LINGO2: variants seen among roughly 807,000 people sequenced by gnomAD.
The protein encoded by LINGO2 is leucine rich repeat and Ig domain containing 2.
A neutral mutation model predicts 30.6 loss-of-function variants in LINGO2; 14 were observed. That is an observed-to-expected ratio of 0.46 (90% CI 0.30 to 0.72). The LOEUF (loss-of-function observed/expected upper bound fraction) is 0.72, where lower values mean the gene tolerates loss of function less well. LINGO2 is among the 30% of genes least tolerant of loss of function. LINGO2 has a pLI of 0.07. For missense variants in LINGO2, 729 were observed against 751.7 expected, an observed-to-expected ratio of 0.97 and a Z score of 0.35; for synonymous variants, 317 against 288.5, an observed-to-expected ratio of 1.10 and a Z score of -1.00.
At chr9:29,129,555 A>G in the LINGO2 span, among the ~76,000 whole-genome samples, 1 of 152,104 alleles carries the variant, frequency 6.6e-6, no homozygotes, top group Non-Finnish European at 1.5e-5. Flanking sequence ...TTAGGGCTTC[A>G]GTAAAATTTA....
At chr9:28,048,022 TTAGACATTA>T (rs1026325630) in intron 4 of LINGO2, among the ~76,000 whole-genome samples, 1 of 150,138 alleles carries the variant, frequency 6.7e-6, no homozygotes, top group African/African-American at 2.5e-5. Context: ...TCTAATCACA[TTAGACATTA>T]AACTTACAAA....
chr9:29,170,906 T>C, the LINGO2 span, among the ~76,000 whole-genome samples: 1 of 152,222 alleles, frequency 6.6e-6, no homozygotes, highest in South Asian at 2.1e-4. Flanking sequence ...GCTGGTTTGA[T>C]GCAGATAAAC....
At chr9:28,293,353 C>T (rs1318839658) in intron 4 of LINGO2, among the ~76,000 whole-genome samples, 1 of 152,106 alleles carries the variant, frequency 6.6e-6, no homozygotes, top group Non-Finnish European at 1.5e-5. Flanking sequence ...TCACCTTGAC[C>T]TCCCAAAGCA....
At chr9:28,566,472 T>G (rs976491348) in intron 1 of LINGO2, among the ~76,000 whole-genome samples, 1 of 152,148 alleles carries the variant, frequency 6.6e-6, no homozygotes, top group Non-Finnish European at 1.5e-5. Flanking sequence ...GCTTTTCAAC[T>G]GCTAAATAGG....
the LINGO2 span, among the ~76,000 whole-genome samples, chr9:29,018,105 A>G: frequency 6.8e-6 from 1 of 147,662 alleles, no homozygotes. Context: ...ATATATATAT[A>G]TATATATAGT....
At chr9:28,540,415 C>G (rs1051544191) in intron 1 of LINGO2, among the ~76,000 whole-genome samples, 22 of 151,954 alleles carry the variant, frequency 1.4e-4, no homozygotes, top group African/African-American at 5.3e-4. Flanking sequence ...AAGGTGCCAC[C>G]ACGTCCGACT....
chr9:28,702,432 T>A, the LINGO2 span, among the ~76,000 whole-genome samples: 1 of 151,808 alleles, frequency 6.6e-6, no homozygotes, highest in Admixed American at 6.6e-5. Flanking sequence ...CATTAATAGA[T>A]TTTTCAAATC....
chr9:27,989,914 A>G (rs980537762), intron 5 of LINGO2, among the ~76,000 whole-genome samples: 2 of 152,042 alleles, frequency 1.3e-5, no homozygotes, highest in African/African-American at 4.8e-5. Context: ...GTTCTTAACA[A>G]TAGTTGGACT....
chr9:29,032,690 T>C, the LINGO2 span, among the ~76,000 whole-genome samples: 1 of 152,216 alleles, frequency 6.6e-6, no homozygotes, highest in East Asian at 1.9e-4. Context: ...CCAAAGCCTG[T>C]AGACCAAAAA....
chr9:28,154,762 A>C (rs1828088541), intron 4 of LINGO2, among the ~76,000 whole-genome samples: 1 of 152,224 alleles, frequency 6.6e-6, no homozygotes, highest in African/African-American at 2.4e-5. Flanking sequence ...ATATCATCCT[A>C]GTAATGCCCT....
intron 4 of LINGO2, among the ~76,000 whole-genome samples, chr9:28,086,759 G>A (rs1441085375): frequency 6.6e-6 from 1 of 151,956 alleles, no homozygotes. Context: ...ACAAACTTAT[G>A]AGACTTTAAC....
intron 4 of LINGO2, among the ~76,000 whole-genome samples, chr9:28,156,994 G>A (rs900378649): frequency 5.9e-5 from 9 of 152,180 alleles, no homozygotes; most frequent in African/African-American, 2.2e-4. Context: ...GGCTTTTCCA[G>A]GTGCGTGGTG....
chr9:29,173,983 A>G, the LINGO2 span, among the ~76,000 whole-genome samples: 1 of 152,108 alleles, frequency 6.6e-6, no homozygotes, highest in African/African-American at 2.4e-5. Flanking sequence ...TACTGTGTCA[A>G]GGAATTAGAA....
At chr9:27,985,410 A>C (rs1315637740) in intron 5 of LINGO2, among the ~76,000 whole-genome samples, 3 of 151,942 alleles carry the variant, frequency 2.0e-5, no homozygotes, top group Admixed American at 1.3e-4. Flanking sequence ...TCTTGTTTTC[A>C]TATTCAGTTA....
At chr9:28,956,105 AT>A in the LINGO2 span, among the ~76,000 whole-genome samples, 27 of 152,154 alleles carry the variant, frequency 1.8e-4, no homozygotes, top group Non-Finnish European at 3.5e-4. Flanking sequence ...TAGTGTTCAC[AT>A]TGTATAAAAG....
chr9:28,470,763 G>A (rs1825487283), intron 2 of LINGO2, among the ~76,000 whole-genome samples: 1 of 151,640 alleles, frequency 6.6e-6, no homozygotes, highest in Admixed American at 6.6e-5. Context: ...ATTAGCTAAT[G>A]GAAAAGTCAA....
chr9:28,649,948 A>G (rs1037181930), intron 1 of LINGO2, among the ~76,000 whole-genome samples: 1 of 152,010 alleles, frequency 6.6e-6, no homozygotes, highest in African/African-American at 2.4e-5. Flanking sequence ...TCAGTATGAA[A>G]AACTAAAGAA....
the LINGO2 span, among the ~76,000 whole-genome samples, chr9:28,758,024 C>G: frequency 6.6e-6 from 1 of 152,006 alleles, no homozygotes; most frequent in Non-Finnish European, 1.5e-5. Context: ...TACAACTTCA[C>G]CTGTGTCTCC....
chr9:29,213,589 T>TGCGCACACACACAGGCGCGCACACCC, the LINGO2 span, among the ~76,000 whole-genome samples: 66 of 152,180 alleles, frequency 4.3e-4, 1 homozygote, highest in Admixed American at 7.8e-4. Context: ...GAGCTCGGGC[T>TGCGCACACACACAGGCGCGCACACCC]GCGCACACAC....
Sources: allele counts gnomAD v4.1 joint callset (sites outside exome capture counted in the v4.1 genomes callset), GRCh38; gene constraint gnomAD v4.1.1; transcripts MANE v1.5; gene names NCBI Gene and HGNC (gene_info 2026-07-23, HGNC 2026-07-21).